Variants in SUCO observed in about 807,000 individuals in gnomAD.
SUCO encodes SUN domain-containing ossification factor.
SUCO carries 57 observed loss-of-function variants against 148.1 expected under a neutral mutation model. The observed-to-expected ratio is 0.38, with a 90% confidence interval of 0.31 to 0.48. The LOEUF (loss-of-function observed/expected upper bound fraction) is 0.48, where lower values mean the gene tolerates loss of function less well. Among genes scored for constraint, SUCO ranks in the 20% least tolerant of loss-of-function variants. SUCO has a pLI of 0.96. For missense variants in SUCO, 1,331 were observed against 1,468.2 expected (o/e 0.91, Z 1.53); for synonymous variants, 470 against 502.7 (o/e 0.93, Z 0.87).
chr1:172,550,515 T>G (rs1159791421), intron 1 of SUCO, among the ~76,000 whole-genome samples: 1 of 152,000 alleles, frequency 6.6e-6, no homozygotes, highest in Non-Finnish European at 1.5e-5. Context: ...TTTCCAATTA[T>G]ATAAACTCAT....
chr1:172,589,444 T>A lies in SUCO; in HGVS notation c.2343T>A (p.Ser781=), dbSNP rs774045411. Residue 781 remains serine, a synonymous_variant, in exon 18 of 24, where the codon TCT becomes TCA. Coordinates refer to ENST00000263688, the MANE Select transcript of SUCO (RefSeq NM_014283.5). The part of the protein sequence containing the change: ...VEIDNETEQK[S]ESFSSIEKPS... Reference sequence around the variant, plus strand: ...TCGATAATGAAACAGAACAAAAGTCTGAGAGCTTTAGTTCTATAGAGAAAC... The same window carrying A: ...TCGATAATGAAACAGAACAAAAGTCAGAGAGCTTTAGTTCTATAGAGAAAC... 3 of 1,612,432 alleles carry A rather than the reference T, an allele frequency of 1.9e-6. No homozygotes were observed. The highest frequency in any genetic ancestry group is 2.5e-6 in the Non-Finnish European group (3 of 1,179,510).
At chr1:172,568,084 T>C (rs529716200) in intron 6 of SUCO, among the ~76,000 whole-genome samples, 36 of 152,322 alleles carry the variant, frequency 2.4e-4, no homozygotes, top group Non-Finnish European at 4.4e-4. Context: ...TGTGCACTCC[T>C]TATGAGAATC....
At chr1:172,595,525 T>C (rs1657029802) in intron 19 of SUCO, among the ~76,000 whole-genome samples, 2 of 152,212 alleles carry the variant, frequency 1.3e-5, no homozygotes, top group Non-Finnish European at 2.9e-5. Flanking sequence ...TTGTTTCTCC[T>C]TCACTTATGA....
At chr1:172,602,357 A>T (rs1474918566) in intron 21 of SUCO, 139 bp downstream of exon 21, 1 of 1,415,030 alleles carries the variant, frequency 7.1e-7, no homozygotes, top group Non-Finnish European at 9.2e-7. Flanking sequence ...CATTAAAAAC[A>T]TCATTCGATA....
In SUCO at chr1:172,533,400, G is replaced by A. The variant is rs2149211977; in HGVS notation, c.-36G>A. Reference sequence around the variant, plus strand: ...CGGCAGTGGCGGCTGCCGGGAGGATGTGCCGCCTTCTGGCAGGGGGAAGAA... The same window carrying A: ...CGGCAGTGGCGGCTGCCGGGAGGATATGCCGCCTTCTGGCAGGGGGAAGAA... On this transcript the variant is annotated 5_prime_UTR_variant, in exon 1 of 24. It adds an upstream start codon to the 5' untranslated region. Coordinates refer to ENST00000263688, the MANE Select transcript of SUCO (RefSeq NM_014283.5). 1 of 1,552,292 alleles carries A rather than the reference G, an allele frequency of 6.4e-7. No homozygotes were observed.
chr1:172,575,468 A>G (rs2149250118), intron 10 of SUCO, 50 bp from the exon 11 acceptor site: 1 of 1,310,652 alleles, frequency 7.6e-7, no homozygotes, highest in Non-Finnish European at 1.1e-6. Context: ...GAACCTTTCA[A>G]TATGTGGTTT....
chr1:172,532,654 G>A (rs1348835492), upstream of SUCO: 5 of 1,613,944 alleles, frequency 3.1e-6, no homozygotes, highest in South Asian at 5.5e-5. Flanking sequence ...AAGCTGATCA[G>A]TCTCGTGGTG....
chr1:172,534,132 C>A (rs960306833), intron 1 of SUCO, among the ~76,000 whole-genome samples: 2 of 152,096 alleles, frequency 1.3e-5, no homozygotes, highest in African/African-American at 2.4e-5. Context: ...TTTGGTAATG[C>A]CCCTTAGTGA....
intron 1 of SUCO, chr1:172,550,821 T>A (rs1306393312): frequency 5.0e-5 from 37 of 733,746 alleles, no homozygotes; most frequent in Non-Finnish European, 6.0e-5. Context: ...TTTCAGTGGC[T>A]ATGGATATAA....
chr1:172,556,685 C>T (rs1653783801), intron 4 of SUCO: 2 of 984,852 alleles, frequency 2.0e-6, no homozygotes, highest in Admixed American at 1.2e-4. Flanking sequence ...TTATGGTTAC[C>T]ATTTAGAAGC....
In SUCO at chr1:172,589,734, G is replaced by A. The variant is rs1360174497; in HGVS notation, c.2633G>A (p.Arg878Lys). ...CAGTCTCCAGAAGATGCCCTTTTGAGAGGGTTACAGAGGACAGCTACAGAT... is the reference window on the plus strand; with the variant it reads ...CAGTCTCCAGAAGATGCCCTTTTGAAAGGGTTACAGAGGACAGCTACAGAT... The part of the protein sequence containing the change: ...EEQSPEDALL[R>K]GLQRTATDFY... Residue 878 changes from arginine to lysine, a missense_variant, in exon 18 of 24, where the codon AGA becomes AAA. Transcript: ENST00000263688. 1 of 1,612,338 alleles carries A rather than the reference G, an allele frequency of 6.2e-7. No homozygotes were observed. The highest frequency in any genetic ancestry group is 1.1e-5 in the South Asian group (1 of 90,956).
At chr1:172,544,217 A>C in intron 1 of SUCO, 1 of 717,978 alleles carries the variant, frequency 1.4e-6, no homozygotes, top group Non-Finnish European at 1.7e-6. Flanking sequence ...TTTAAGAAGC[A>C]ATTCTTTGTT....
At chr1:172,542,561 A>C (rs1219132236) in intron 1 of SUCO, 1 of 175,324 alleles carries the variant, frequency 5.7e-6, no homozygotes, top group Non-Finnish European at 1.1e-5. Flanking sequence ...TTAGCAGCAG[A>C]ATTAGATTCT....
At chr1:172,579,055 G>T in intron 14 of SUCO, 147 bp from the exon 15 acceptor site, 1 of 539,962 alleles carries the variant, frequency 1.9e-6, no homozygotes. Context: ...CATGCTTTTT[G>T]TGAACATGTT....
intron 17 of SUCO, 119 bp downstream of exon 17, chr1:172,586,067 CAT>C: frequency 1.7e-6 from 1 of 584,922 alleles, no homozygotes; most frequent in Admixed American, 3.3e-5. Context: ...AGCTCTGAAT[CAT>C]AGGATAGACA....
chr1:172,537,922 C>T (rs1175438637), intron 1 of SUCO, among the ~76,000 whole-genome samples: 1 of 152,134 alleles, frequency 6.6e-6, no homozygotes, highest in Non-Finnish European at 1.5e-5. Context: ...AAATGGTCTG[C>T]AGGATGGATA....
chr1:172,557,468 T>G (rs1247208800), intron 5 of SUCO, 51 bp downstream of exon 5: 4 of 1,605,476 alleles, frequency 2.5e-6, no homozygotes, highest in Non-Finnish European at 3.4e-6. Context: ...ATAACAGCAG[T>G]GTCCTGTTTG....
At position 172,585,839 on chromosome 1, in the gene SUCO, G is replaced by A. The variant is rs1656198581; in HGVS notation, c.1568-19G>A. 6 of 1,477,982 alleles carry A rather than the reference G, an allele frequency of 4.1e-6. No homozygotes were observed. The highest frequency in any genetic ancestry group is 2.3e-5 in the East Asian group (1 of 43,440). 91.6% of individuals were successfully genotyped at this position (1,477,982 alleles called of 1,614,324 possible). ...GCTTTTAAAATTGAACTCAACATTG[G>A]GCATCTTTCTTAAAATAGGAAATAA... On this transcript the variant is annotated intron_variant, in intron 16 of 23. Coordinates refer to ENST00000263688, the MANE Select transcript of SUCO (RefSeq NM_014283.5).
At position 172,585,964 on chromosome 1, in the gene SUCO, A is replaced by T. The variant is rs769488358; in HGVS notation, c.1658+16A>T. 6 of 1,511,784 alleles carry T rather than the reference A, an allele frequency of 4.0e-6. No homozygotes were observed. The East Asian group carries it at 1.4e-4, about 34-fold the overall frequency. 93.6% of individuals were successfully genotyped at this position (1,511,784 alleles called of 1,614,324 possible). A position where few individuals can be genotyped will look rare whatever the true frequency, so the allele number is the denominator to read the frequency against. ...CATCTCCTGAGTAAGTTATAATGTG[A>T]TATTAAATAGAATTTTGTTACAATG... On this transcript the variant is annotated intron_variant, in intron 17 of 23. Coordinates refer to ENST00000263688, the MANE Select transcript of SUCO (RefSeq NM_014283.5).
Sources: allele counts gnomAD v4.1 joint callset (sites outside exome capture counted in the v4.1 genomes callset), GRCh38; gene constraint gnomAD v4.1.1; transcripts MANE v1.5; gene names NCBI Gene and HGNC (gene_info 2026-07-23, HGNC 2026-07-21).